CSMD1: variants seen among roughly 807,000 people sequenced by gnomAD.
The protein encoded by CSMD1 is CUB and sushi domain-containing protein 1.
In CSMD1, 213 loss-of-function variants were observed where a neutral mutation model predicts 417.5. That is an observed-to-expected ratio of 0.51 (90% CI 0.46 to 0.57). The LOEUF (loss-of-function observed/expected upper bound fraction) is 0.57, where lower values mean the gene tolerates loss of function less well. CSMD1 is among the 20% of genes least tolerant of loss of function. The probability of loss-of-function intolerance (pLI) is 0.00; values close to 1 mark genes in which losing one functional copy is unlikely to be tolerated. For synonymous variants in CSMD1, 2,862 were observed against 1,736.8 expected (o/e 1.65, Z -16.11); for missense variants, 6,923 against 4,529.7 (o/e 1.53, Z -15.17).
chr8:4,070,760 C>A (rs146315664), intron 3 of CSMD1, among the ~76,000 whole-genome samples: 2 of 152,320 alleles, frequency 1.3e-5, no homozygotes, highest in African/African-American at 4.8e-5. Flanking sequence ...CCACCACGAG[C>A]CTGTCACTGA....
At chr8:4,286,320 T>C (rs1350352148) in intron 3 of CSMD1, among the ~76,000 whole-genome samples, 2 of 152,148 alleles carry the variant, frequency 1.3e-5, no homozygotes, top group Admixed American at 6.6e-5. Flanking sequence ...CTTGTCACTT[T>C]GGAACATTCT....
chr8:3,031,373 G>C (rs909206089), intron 50 of CSMD1, among the ~76,000 whole-genome samples: 3 of 150,644 alleles, frequency 2.0e-5, no homozygotes, highest in Non-Finnish European at 4.4e-5. Flanking sequence ...TAAATGATGA[G>C]TTAATGGGTG....
intron 30 of CSMD1, among the ~76,000 whole-genome samples, chr8:3,213,148 T>A (rs1031127815): frequency 2.0e-5 from 3 of 152,190 alleles, no homozygotes; most frequent in African/African-American, 7.2e-5. Context: ...ATATTTAAAA[T>A]GTTTATTTGG....
intron 2 of CSMD1, among the ~76,000 whole-genome samples, chr8:4,540,821 A>C (rs1231627458): frequency 6.6e-6 from 1 of 152,072 alleles, no homozygotes; most frequent in African/African-American, 2.4e-5. Flanking sequence ...CAGATGATAA[A>C]ACTGAGGCAA....
chr8:4,885,428 C>G (rs573703301), intron 1 of CSMD1, among the ~76,000 whole-genome samples: 1 of 151,956 alleles, frequency 6.6e-6, no homozygotes, highest in African/African-American at 2.4e-5. Flanking sequence ...AGGGGGAAAG[C>G]GTTTAGTCTT....
At chr8:3,435,737 A>C (rs1426743518) in intron 12 of CSMD1, among the ~76,000 whole-genome samples, 3 of 152,096 alleles carry the variant, frequency 2.0e-5, no homozygotes, top group African/African-American at 7.2e-5. Context: ...ACGTCACTCA[A>C]TCAGGTTCTT....
chr8:3,653,526 C>G (rs1797961302), intron 7 of CSMD1, among the ~76,000 whole-genome samples: 3 of 152,278 alleles, frequency 2.0e-5, no homozygotes, highest in South Asian at 2.1e-4. Context: ...CCAAGCTGGT[C>G]TCGAACTCCT....
chr8:4,534,553 C>T lies in CSMD1; in HGVS notation c.302+102789G>A, dbSNP rs114443102. ...TTGGATCCAGGTGGTAAGCATAGTA[C>T]CCAATAGGTAGTTTTTCAACCCCTC... On this transcript the variant is annotated intron_variant, in intron 2 of 69. Coordinates refer to ENST00000635120, the MANE Select transcript of CSMD1 (RefSeq NM_033225.6). Among the ~76,000 whole-genome samples the T allele has an allele frequency of 6.8e-3, 1,041 of 152,094 alleles. 12 individuals are homozygous for T. The highest frequency in any genetic ancestry group is 0.023 in the African/African-American group (968 of 41,480).
intron 5 of CSMD1, among the ~76,000 whole-genome samples, chr8:3,917,019 C>A (rs886823070): frequency 2.0e-5 from 3 of 152,104 alleles, no homozygotes; most frequent in African/African-American, 2.4e-5. Flanking sequence ...ATTGTTGATA[C>A]TGGAAATTGA....
chr8:3,622,980 T>C (rs1467628111), intron 7 of CSMD1, among the ~76,000 whole-genome samples: 1 of 152,200 alleles, frequency 6.6e-6, no homozygotes, highest in Admixed American at 6.5e-5. Context: ...TCAGATCTCA[T>C]AGAACACATG....
intron 7 of CSMD1, among the ~76,000 whole-genome samples, chr8:3,635,123 G>A (rs1796969086): frequency 1.3e-5 from 2 of 152,116 alleles, no homozygotes; most frequent in South Asian, 2.1e-4. Context: ...TGCTCTGGGT[G>A]ACTCAGTAAG....
chr8:3,374,524 C>T (rs923431851), intron 18 of CSMD1, among the ~76,000 whole-genome samples: 1 of 152,188 alleles, frequency 6.6e-6, no homozygotes, highest in Non-Finnish European at 1.5e-5. Context: ...TTAAGTTGCT[C>T]TCTAAACTCA....
At chr8:3,315,305 T>C (rs1274891590) in intron 23 of CSMD1, among the ~76,000 whole-genome samples, 1 of 152,168 alleles carries the variant, frequency 6.6e-6, no homozygotes, top group East Asian at 1.9e-4. Flanking sequence ...TTATTTTTTA[T>C]AGTTCACTTG....
At chr8:4,078,331 T>A (rs1380915887) in intron 3 of CSMD1, among the ~76,000 whole-genome samples, 2 of 151,030 alleles carry the variant, frequency 1.3e-5, no homozygotes, top group Non-Finnish European at 3.0e-5. Flanking sequence ...TTTTTTTTTT[T>A]TGAGAGGGAG....
intron 7 of CSMD1, among the ~76,000 whole-genome samples, chr8:3,669,004 C>A (rs958208730): frequency 6.6e-6 from 1 of 152,258 alleles, no homozygotes; most frequent in East Asian, 1.9e-4. Context: ...CACTGGAAAT[C>A]TTTCATTAAA....
At chr8:3,324,740 G>A (rs1052135716) in intron 23 of CSMD1, among the ~76,000 whole-genome samples, 29 of 152,264 alleles carry the variant, frequency 1.9e-4, no homozygotes, top group Middle Eastern at 3.4e-3. Flanking sequence ...AGGACGGGGC[G>A]TTTCCTTCAC....
At chr8:3,776,491 C>G (rs1431584249) in intron 5 of CSMD1, among the ~76,000 whole-genome samples, 1 of 152,174 alleles carries the variant, frequency 6.6e-6, no homozygotes, top group Non-Finnish European at 1.5e-5. Context: ...ACACACATTT[C>G]CTGCTCTCTC....
Position 3,024,135 on chromosome 8 carries a change from GT to G in CSMD1, c.7855+5183del, listed in dbSNP as rs1364785598. 6.6e-5 allele frequency among the ~76,000 whole-genome samples: 7 copies of G among 106,246 alleles called. No individual in the cohort carries two copies. The East Asian group carries it at 3.5e-3, about 54-fold the overall frequency. The allele number at this position is 106,246 out of a possible 152,430, so 69.7% of individuals were successfully genotyped here. On this transcript the variant is annotated intron_variant, in intron 51 of 69. Coordinates refer to ENST00000635120, the MANE Select transcript of CSMD1 (RefSeq NM_033225.6). Reference sequence around the variant, plus strand: ...TTATTACCAGGATTCATGGTGTGGTGTGTGTGTGTGTGTATGTGTGTGCAAA... The same window carrying G: ...TTATTACCAGGATTCATGGTGTGGTGGTGTGTGTGTGTATGTGTGTGCAAA...
At chr8:4,186,207 C>G (rs959798928) in intron 3 of CSMD1, among the ~76,000 whole-genome samples, 2 of 152,098 alleles carry the variant, frequency 1.3e-5, no homozygotes, top group Non-Finnish European at 2.9e-5. Flanking sequence ...TTGTGGAACA[C>G]TGGAAGCTCA....
Sources: allele counts gnomAD v4.1 joint callset (sites outside exome capture counted in the v4.1 genomes callset), GRCh38; gene constraint gnomAD v4.1.1; transcripts MANE v1.5; gene names NCBI Gene and HGNC (gene_info 2026-07-23, HGNC 2026-07-21).